The following DNAH6 variants were observed in gnomAD, a reference collection of about 807,000 sequenced individuals.
DNAH6 encodes the protein axonemal beta dynein heavy chain 6.
In DNAH6, 340 loss-of-function variants were observed where a neutral mutation model predicts 491.4. The ratio of observed to expected loss-of-function variants is 0.69; its 90% CI spans 0.63 to 0.76. The LOEUF (loss-of-function observed/expected upper bound fraction) is 0.76. DNAH6 is among the 30% of genes least tolerant of loss of function. DNAH6 has a pLI of 0.00. For missense variants in DNAH6, 4,443 were observed against 4,972.2 expected, an observed-to-expected ratio of 0.89 and a Z score of 3.20; for synonymous variants, 1,603 against 1,686.1, an observed-to-expected ratio of 0.95 and a Z score of 1.21.
At position 84,785,660 on chromosome 2, in the gene DNAH6, T is replaced by A; in HGVS notation, c.11004T>A (p.Phe3668Leu). The A allele has an allele frequency of 6.5e-7, 1 of 1,548,920 alleles. No homozygotes were observed. The highest frequency in any genetic ancestry group is 8.7e-7 in the Non-Finnish European group (1 of 1,146,144). ...KGLRANIRRA[F>L]TEMTPSFFEE... ...TACGTGCAAATATCAGACGAGCATT[T>A]ACTGAAATGACACCTTCGTTTTTTG... The change falls in exon 67 of 77, where the codon TTT becomes TTA. Residue 3668 changes from phenylalanine (F) to leucine (L), a missense_variant. This residue lies in a region of DNAH6 where 1,463 missense variants were observed against 1,656.6 expected (regional missense o/e 0.88). Coordinates refer to ENST00000389394, the MANE Select transcript of DNAH6 (RefSeq NM_001370.2).
chr2:84,585,089 G>T (rs1257056797), intron 15 of DNAH6, among the ~76,000 whole-genome samples: 1 of 152,140 alleles, frequency 6.6e-6, no homozygotes, highest in Admixed American at 6.5e-5. Flanking sequence ...ATTGTGTGCT[G>T]CCTATTTCTC....
At chr2:84,685,251 T>G in intron 42 of DNAH6, 75 bp from the exon 43 acceptor site, 1 of 1,120,986 alleles carries the variant, frequency 8.9e-7, no homozygotes, top group Non-Finnish European at 1.2e-6. Context: ...CTTAAGGGTT[T>G]CCTAATTAAA....
rs181572571 is a variant in DNAH6, at chr2:84,517,670, G to A, written c.-8-149G>A. On this transcript the variant is annotated intron_variant, in intron 1 of 76. Coordinates refer to ENST00000389394, the MANE Select transcript of DNAH6 (RefSeq NM_001370.2). ...TTCCTTTGGTTCAAGTCCTCAGTTC[G>A]GGAAGACTGGGGTAACTTTGATGGG... 1.0e-4 allele frequency: 64 copies of A among 622,770 alleles called. No individual in the cohort carries two copies. The African/African-American group carries it at 1.2e-3, about 11-fold the overall frequency. The allele number at this position is 622,770 out of a possible 1,614,324, so 38.6% of individuals were successfully genotyped here.
At chr2:84,752,492 C>G (rs1673561160) in intron 63 of DNAH6, among the ~76,000 whole-genome samples, 1 of 151,758 alleles carries the variant, frequency 6.6e-6, no homozygotes, top group South Asian at 2.1e-4. Flanking sequence ...TTATACAATT[C>G]ACCCATTTAA....
intron 70 of DNAH6, among the ~76,000 whole-genome samples, chr2:84,802,935 C>T (rs1211106499): frequency 1.3e-5 from 2 of 152,106 alleles, no homozygotes; most frequent in Non-Finnish European, 2.9e-5. Context: ...TGCATGGAAA[C>T]TAAACAACTT....
intron 18 of DNAH6, among the ~76,000 whole-genome samples, chr2:84,598,029 G>T (rs1269739161): frequency 6.6e-6 from 1 of 151,954 alleles, no homozygotes; most frequent in Non-Finnish European, 1.5e-5. Flanking sequence ...AGGCCAGATA[G>T]CATATGTCAT....
intron 12 of DNAH6, among the ~76,000 whole-genome samples, chr2:84,573,964 T>A (rs968319697): frequency 6.6e-6 from 1 of 152,162 alleles, no homozygotes; most frequent in African/African-American, 2.4e-5. Context: ...GAACTTATTC[T>A]TTTTTCTTCT....
the DNAH6 span, among the ~76,000 whole-genome samples, chr2:84,474,818 A>G: frequency 2.3e-4 from 35 of 152,358 alleles, no homozygotes; most frequent in Admixed American, 9.8e-4. Context: ...TAGCAATAAT[A>G]GAGACATCAG....
chr2:84,680,624 G>C (rs1433998937), intron 41 of DNAH6, among the ~76,000 whole-genome samples: 1 of 151,970 alleles, frequency 6.6e-6, no homozygotes, highest in Non-Finnish European at 1.5e-5. Context: ...GCGGGGACAT[G>C]GGGAGCAATG....
intron 62 of DNAH6, 58 bp from the exon 63 acceptor site, chr2:84,745,022 T>G: frequency 3.4e-6 from 4 of 1,166,902 alleles, no homozygotes; most frequent in Non-Finnish European, 4.7e-6. Context: ...CAAACATTAT[T>G]TAATTTCAAA....
Position 84,604,504 on chromosome 2 carries a change from T to G in DNAH6, c.3034T>G (p.Ser1012Ala). The change falls in exon 19 of 77, where the codon TCT (serine) becomes GCT (alanine). Residue 1012 changes from serine to alanine, a missense_variant. Around this residue, in one of 3 missense-constraint regions of DNAH6, gnomAD observed 2,977 missense variants for 3,296.6 expected, o/e 0.90. Coordinates refer to ENST00000389394, the MANE Select transcript of DNAH6 (RefSeq NM_001370.2). ...CTTTGGTCAAGAAATCCAGGACATA[T>G]CTGGACAGGCTTCTGGAGAAGCTGC... Reference protein sequence around the residue: ...FDFGQEIQDISGQASGEAALE... With the variant: ...FDFGQEIQDIAGQASGEAALE... 6.4e-7 allele frequency: 1 copy of G among 1,551,730 alleles called. No individual in the cohort carries two copies. The highest frequency in any genetic ancestry group is 8.7e-7 in the Non-Finnish European group (1 of 1,146,994).
chr2:84,486,977 C>G, the DNAH6 span, among the ~76,000 whole-genome samples: 1,155 of 152,236 alleles, frequency 7.6e-3, 12 homozygotes, highest in African/African-American at 0.026. Context: ...AAAAGAGGCT[C>G]TCTGATACCT....
At chr2:84,514,908 C>G (rs1348351278), upstream of DNAH6, among the ~76,000 whole-genome samples, 3 of 151,098 alleles carry the variant, frequency 2.0e-5, no homozygotes, top group African/African-American at 4.9e-5. Context: ...CACTTCTTAG[C>G]TTTTGGAATG....
At chr2:84,528,651 GA>G (rs1676833670) in intron 3 of DNAH6, among the ~76,000 whole-genome samples, 1 of 151,742 alleles carries the variant, frequency 6.6e-6, no homozygotes, top group South Asian at 2.1e-4. Context: ...TGAGTTAAAG[GA>G]GAGGAGAAGG....
intron 17 of DNAH6, 90 bp from the exon 18 acceptor site, chr2:84,595,556 G>GTCTCCTAAAA: frequency 8.5e-7 from 1 of 1,181,206 alleles, no homozygotes; most frequent in Non-Finnish European, 1.2e-6. Context: ...TGTAGATTTG[G>GTCTCCTAAAA]ATTAACTTTT....
chr2:84,712,445 C>T (rs958649155), intron 56 of DNAH6, among the ~76,000 whole-genome samples: 2 of 152,138 alleles, frequency 1.3e-5, no homozygotes, highest in Non-Finnish European at 2.9e-5. Flanking sequence ...TCCATGCCCA[C>T]GTTCCTACCA....
chr2:84,472,587 G>A, the DNAH6 span, among the ~76,000 whole-genome samples: 2 of 152,214 alleles, frequency 1.3e-5, no homozygotes, highest in Admixed American at 6.5e-5. Flanking sequence ...GTTCCTTGAT[G>A]TGGCAAATGC....
At position 84,525,581 on chromosome 2, in the gene DNAH6, A is replaced by G; in HGVS notation, c.242A>G (p.Tyr81Cys). Residue 81 changes from tyrosine to cysteine, a missense_variant, in exon 3 of 77, where the codon TAC (tyrosine) becomes TGC (cysteine). Physicochemically the swap from Tyr to Cys is radical, Grantham distance 194. Around this residue, in one of 3 missense-constraint regions of DNAH6, gnomAD observed 2,977 missense variants for 3,296.6 expected, o/e 0.90. Coordinates refer to ENST00000389394, the MANE Select transcript of DNAH6 (RefSeq NM_001370.2). ...KLEPLPVLKV[Y>C]QDHKQPEYIH... is the part of the protein sequence containing the mutation. ...TTCCCAAAGCCAGTGCTAAAAGTCT[A>G]CCAAGATCATAAGCAGCCAGAATAC... is the stretch of plus-strand genomic sequence containing the variant. 3.2e-6 allele frequency: 5 copies of G among 1,546,154 alleles called. No homozygotes were observed. Among genetic ancestry groups the G allele is most frequent in the South Asian group, 1.2e-5 (1 of 82,670 alleles).
At chr2:84,805,107 A>G (rs897801221) in intron 70 of DNAH6, among the ~76,000 whole-genome samples, 4 of 152,254 alleles carry the variant, frequency 2.6e-5, no homozygotes, top group Admixed American at 6.5e-5. Context: ...TGTTGGGATT[A>G]CAGGCATGAG....
Sources: gnomAD v4.1 joint callset for allele counts (sites outside exome capture counted in the v4.1 genomes callset) on GRCh38, gnomAD v4.1.1 for gene constraint, gnomAD v4.1.1 regional missense constraint, MANE v1.5 for transcripts, NCBI Gene and HGNC (gene_info 2026-07-23, HGNC 2026-07-21) for gene names.